The following PRMT8 variants were observed in gnomAD, a reference collection of about 807,000 sequenced individuals.
The protein encoded by PRMT8 is protein arginine N-methyltransferase 8.
PRMT8 carries 7 observed loss-of-function variants against 47.1 expected under a neutral mutation model. The observed-to-expected ratio is 0.15, with a 90% CI of 0.08 to 0.28. The LOEUF (loss-of-function observed/expected upper bound fraction) is 0.28. Ranked by LOEUF, PRMT8 falls within the 10% of genes least tolerant of loss-of-function variation. The pLI, the probability that PRMT8 is intolerant of heterozygous loss-of-function variation, is 1.00. For missense variants in PRMT8, 237 were observed against 505.4 expected, an observed-to-expected ratio of 0.47 and a Z score of 5.09; for synonymous variants, 188 against 186.5, an observed-to-expected ratio of 1.01 and a Z score of -0.07.
intron 1 of PRMT8, among the ~76,000 whole-genome samples, chr12:3,412,387 T>G (rs1425925001): frequency 6.6e-6 from 1 of 152,208 alleles, no homozygotes; most frequent in African/African-American, 2.4e-5. Flanking sequence ...ACTGTGAACT[T>G]TACAAACACT....
chr12:3,512,857 C>A (rs1251025427), intron 1 of PRMT8, among the ~76,000 whole-genome samples: 1 of 152,180 alleles, frequency 6.6e-6, no homozygotes. Flanking sequence ...GGTTGTTCCA[C>A]AGCTGGGTGG....
rs1447135217 is a variant in PRMT8, at chr12:3,592,960, G to A, written c.1102-139G>A. 7 of 689,902 alleles carry A rather than the reference G, an allele frequency of 1.0e-5. No homozygotes were observed. The Admixed American group carries it at 1.3e-4, about 13-fold the overall frequency. 42.7% of individuals were successfully genotyped at this position (689,902 alleles called of 1,614,324 possible). A position where few individuals can be genotyped will look rare whatever the true frequency, so the allele number is the denominator to read the frequency against. On this transcript the variant is annotated intron_variant, in intron 9 of 9. Transcript: ENST00000382622. Reference sequence around the variant, plus strand: ...AATGGATTCCTGTGGGCTGTTCAGGGGAACCCCTTAGCCAGAAAGCCTTAA... The same window carrying A: ...AATGGATTCCTGTGGGCTGTTCAGGAGAACCCCTTAGCCAGAAAGCCTTAA...
intron 1 of PRMT8, among the ~76,000 whole-genome samples, chr12:3,433,466 C>T (rs1864704519): frequency 6.6e-6 from 1 of 151,084 alleles, no homozygotes; most frequent in Admixed American, 6.6e-5. Context: ...AGTGTAGATA[C>T]TCCTACTGTC....
At chr12:3,434,760 T>TTTA in intron 1 of PRMT8, among the ~76,000 whole-genome samples, 1 of 150,946 alleles carries the variant, frequency 6.6e-6, no homozygotes, top group East Asian at 2.0e-4. Flanking sequence ...TTTTTTTTTT[T>TTTA]AAACTCAGAT....
At chr12:3,494,206 G>T (rs765474525) in intron 1 of PRMT8, among the ~76,000 whole-genome samples, 1 of 152,146 alleles carries the variant, frequency 6.6e-6, no homozygotes, top group Non-Finnish European at 1.5e-5. Flanking sequence ...AGGAAAGCTA[G>T]GTACCCAAGT....
At chr12:3,427,700 GCAGA>G (rs1307968095) in intron 1 of PRMT8, among the ~76,000 whole-genome samples, 1 of 148,840 alleles carries the variant, frequency 6.7e-6, no homozygotes, top group Non-Finnish European at 1.5e-5. Context: ...CACAACTTTT[GCAGA>G]CAATTTTTTG....
At chr12:3,426,932 A>G (rs1226308983) in intron 1 of PRMT8, among the ~76,000 whole-genome samples, 1 of 151,800 alleles carries the variant, frequency 6.6e-6, no homozygotes, top group Non-Finnish European at 1.5e-5. Flanking sequence ...TTTGATGAGA[A>G]CGTGATCGTC....
At chr12:3,474,986 G>A (rs1167952156) in intron 1 of PRMT8, among the ~76,000 whole-genome samples, 1 of 152,186 alleles carries the variant, frequency 6.6e-6, no homozygotes, top group Non-Finnish European at 1.5e-5. Context: ...TCTCAGGCAC[G>A]GTGGCTGTCA....
At chr12:3,578,483 C>G (rs966369422) in intron 7 of PRMT8, among the ~76,000 whole-genome samples, 3 of 152,120 alleles carry the variant, frequency 2.0e-5, no homozygotes, top group Non-Finnish European at 4.4e-5. Flanking sequence ...CTCAGCTTCC[C>G]AAGTGCTGGG....
intron 1 of PRMT8, among the ~76,000 whole-genome samples, chr12:3,527,537 C>CAAAGCCAT (rs1277948611): frequency 6.6e-6 from 1 of 152,076 alleles, no homozygotes; most frequent in Non-Finnish European, 1.5e-5. Flanking sequence ...CCATGAAGAG[C>CAAAGCCAT]AAAGCCATAG....
intron 1 of PRMT8, among the ~76,000 whole-genome samples, chr12:3,526,349 T>G (rs989944286): frequency 1.3e-5 from 2 of 152,214 alleles, no homozygotes; most frequent in Non-Finnish European, 2.9e-5. Context: ...TCTTTAAGCA[T>G]GTGCTTTCAA....
Position 3,491,525 on chromosome 12 carries a change from ATTT to A in PRMT8, c.-92_-90del. On this transcript the variant is annotated 5_prime_UTR_variant, in exon 1 of 10. Transcript: ENST00000382622. ...CGCTCCAGCTGAGGGGCTGGGTTGG[ATTT>A]TTTTTTTTCTCCCATCCTCTCGCTC... 1 of 1,171,082 alleles carries A rather than the reference ATTT, an allele frequency of 8.5e-7. No homozygotes were observed. The highest frequency in any genetic ancestry group is 1.1e-6 in the Non-Finnish European group (1 of 886,870). The allele number at this position is 1,171,082 out of a possible 1,614,324, so 72.5% of individuals were successfully genotyped here. A position where few individuals can be genotyped will look rare whatever the true frequency, so the allele number is the denominator to read the frequency against.
intron 1 of PRMT8, among the ~76,000 whole-genome samples, chr12:3,446,581 A>T (rs772471067): frequency 5.9e-5 from 9 of 152,140 alleles, no homozygotes; most frequent in Non-Finnish European, 1.2e-4. Flanking sequence ...AGGACTTTCC[A>T]TCAGACTTCT....
intron 2 of PRMT8, among the ~76,000 whole-genome samples, chr12:3,548,537 A>G (rs1866364851): frequency 6.6e-6 from 1 of 152,194 alleles, no homozygotes; most frequent in African/African-American, 2.4e-5. Flanking sequence ...TAGGCACTTC[A>G]CAAAAGATGA....
At chr12:3,465,747 C>T (rs571891116) in intron 1 of PRMT8, among the ~76,000 whole-genome samples, 10 of 152,290 alleles carry the variant, frequency 6.6e-5, no homozygotes, top group East Asian at 1.9e-4. Context: ...GGTTTGAGGA[C>T]GACTTGAGGA....
chr12:3,398,363 C>A (rs569566714), intron 1 of PRMT8, among the ~76,000 whole-genome samples: 12 of 152,076 alleles, frequency 7.9e-5, no homozygotes, highest in Admixed American at 2.0e-4. Context: ...GTGGAGAACG[C>A]CAAAAATGGT....
intron 1 of PRMT8, among the ~76,000 whole-genome samples, chr12:3,533,787 G>C (rs1229353887): frequency 6.6e-6 from 1 of 152,238 alleles, no homozygotes; most frequent in Admixed American, 6.5e-5. Flanking sequence ...GATAGGAGAG[G>C]TCCCAATGCC....
chr12:3,582,995 G>T, intron 7 of PRMT8, 63 bp from the exon 8 acceptor site: 1 of 1,571,588 alleles, frequency 6.4e-7, no homozygotes, highest in Non-Finnish European at 8.7e-7. Context: ...CGAGGCTGCT[G>T]ACCGGGACCC....
chr12:3,406,298 G>A (rs756512115), intron 1 of PRMT8, among the ~76,000 whole-genome samples: 3 of 152,238 alleles, frequency 2.0e-5, no homozygotes, highest in Admixed American at 2.0e-4. Flanking sequence ...TGGCCTCTTG[G>A]CCTGTGATGG....
Sources: allele counts gnomAD v4.1 joint callset (sites outside exome capture counted in the v4.1 genomes callset), GRCh38; gene constraint gnomAD v4.1.1; transcripts MANE v1.5; gene names NCBI Gene and HGNC (gene_info 2026-07-23, HGNC 2026-07-21).